Variants in ASB15 observed in about 807,000 individuals in gnomAD.
ASB15 encodes the protein ankyrin repeat and SOCS box containing 15.
ASB15 carries 54 observed loss-of-function variants against 58.0 expected under a neutral mutation model. The observed-to-expected ratio is 0.93, with a 90% CI of 0.75 to 1.17. The LOEUF (loss-of-function observed/expected upper bound fraction) is 1.17. ASB15 is among the 50% of genes most tolerant of loss of function. The pLI is 0.00. For missense variants in ASB15, 680 were observed against 707.4 expected, an observed-to-expected ratio of 0.96 and a Z score of 0.44; for synonymous variants, 249 against 262.4, an observed-to-expected ratio of 0.95 and a Z score of 0.50.
chr7:123,594,638 T>C (rs1033202863), intron 1 of ASB15, among the ~76,000 whole-genome samples: 5 of 152,172 alleles, frequency 3.3e-5, no homozygotes, highest in Non-Finnish European at 7.4e-5. Context: ...TATTGCTGCC[T>C]GATCCATCCT....
intron 1 of ASB15, among the ~76,000 whole-genome samples, chr7:123,592,919 T>G (rs1030778298): frequency 1.2e-4 from 18 of 152,094 alleles, no homozygotes; most frequent in African/African-American, 4.1e-4. Flanking sequence ...CTCTTTGTAG[T>G]TCTCTAAGGA....
chr7:123,594,451 C>T (rs1270382424), intron 1 of ASB15, among the ~76,000 whole-genome samples: 1 of 152,104 alleles, frequency 6.6e-6, no homozygotes, highest in Non-Finnish European at 1.5e-5. Context: ...TGGTGACCTA[C>T]GTATGGGGTT....
chr7:123,602,212 T>C (rs1367604569), intron 1 of ASB15, among the ~76,000 whole-genome samples: 1 of 152,124 alleles, frequency 6.6e-6, no homozygotes, highest in African/African-American at 2.4e-5. Flanking sequence ...ATATTTACTA[T>C]AGAATCCCAG....
intron 1 of ASB15, among the ~76,000 whole-genome samples, chr7:123,569,819 A>G (rs977071007): frequency 2.0e-5 from 3 of 152,204 alleles, no homozygotes; most frequent in African/African-American, 7.2e-5. Flanking sequence ...CCCGTTAAGT[A>G]TAACTAATTT....
At chr7:123,618,351 C>T (rs1252310966) in intron 7 of ASB15, among the ~76,000 whole-genome samples, 2 of 152,148 alleles carry the variant, frequency 1.3e-5, no homozygotes, top group Non-Finnish European at 2.9e-5. Context: ...CCAAATGACC[C>T]AGAGATAACA....
chr7:123,614,247 A>T (rs2116502468), intron 3 of ASB15: 2 of 373,304 alleles, frequency 5.4e-6, no homozygotes, highest in Non-Finnish European at 9.5e-6. Context: ...CTGAAAAAAA[A>T]AAAAGTCAAA....
chr7:123,626,191 C>T lies in ASB15; in HGVS notation c.698-919C>T, dbSNP rs555508533. On this transcript the variant is annotated intron_variant, in intron 8 of 11. Coordinates refer to ENST00000451215, the MANE Select transcript of ASB15 (RefSeq NM_001290258.2). ...AAAGTATTTGTTAATACTTTATTAA[C>T]TGTAAGTATTTGTTAAGTTAAAATA... Among the ~76,000 whole-genome samples, 5 of 152,326 alleles carry T rather than the reference C, an allele frequency of 3.3e-5. No homozygotes were observed. The East Asian group carries it at 7.7e-4, about 24-fold the overall frequency.
chr7:123,573,300 T>TC (rs1029559467), intron 1 of ASB15, among the ~76,000 whole-genome samples: 5 of 151,502 alleles, frequency 3.3e-5, no homozygotes, highest in Admixed American at 2.0e-4. Flanking sequence ...TTTTTTTTTT[T>TC]TTTTTGTCAT....
In ASB15 at chr7:123,580,120, T is replaced by C. The variant is rs142240799; in HGVS notation, c.-443+13032T>C. Among the ~76,000 whole-genome samples, 211 of 152,086 alleles carry C rather than the reference T, an allele frequency of 1.4e-3. 1 individual carries two copies. Among genetic ancestry groups the C allele is most frequent in the South Asian group, 6.2e-3 (30 of 4,826 alleles). On this transcript the variant is annotated intron_variant, in intron 1 of 13. Transcript: ENST00000451558. ...GAGAAGGATGGTCTAAATTGGGTCT[T>C]AAATTAGCAGAAGGATTTCTACTGA...
intron 1 of ASB15, among the ~76,000 whole-genome samples, chr7:123,578,670 C>T (rs1439514435): frequency 6.6e-6 from 1 of 152,064 alleles, no homozygotes; most frequent in Non-Finnish European, 1.5e-5. Flanking sequence ...TTTACCACAG[C>T]AATTTCATTC....
intron 1 of ASB15, among the ~76,000 whole-genome samples, chr7:123,596,625 T>C (rs923985827): frequency 2.6e-5 from 4 of 151,844 alleles, no homozygotes; most frequent in African/African-American, 9.7e-5. Context: ...ATAATAATAG[T>C]AATAATAAGG....
At chr7:123,633,583 G>A (rs1036248144) in intron 11 of ASB15, among the ~76,000 whole-genome samples, 2 of 151,898 alleles carry the variant, frequency 1.3e-5, no homozygotes, top group African/African-American at 4.8e-5. Flanking sequence ...ATTTTATCTT[G>A]AAAGCATCTG....
At chr7:123,623,903 G>A (rs371990994) in intron 7 of ASB15, among the ~76,000 whole-genome samples, 100 of 9,866 alleles carry the variant, frequency 0.01, 8 homozygotes, top group Middle Eastern at 0.031. Flanking sequence ...AGAAAGAATG[G>A]AAGGAAGGAA....
At chr7:123,575,494 G>A (rs538429301) in intron 1 of ASB15, among the ~76,000 whole-genome samples, 2 of 151,894 alleles carry the variant, frequency 1.3e-5, no homozygotes, top group Non-Finnish European at 2.9e-5. Context: ...TATCACTTCT[G>A]TATTGTGAGG....
chr7:123,589,559 G>A (rs1221916811), intron 1 of ASB15, among the ~76,000 whole-genome samples: 2 of 152,060 alleles, frequency 1.3e-5, no homozygotes, highest in Non-Finnish European at 2.9e-5. Flanking sequence ...TTATGAGTGA[G>A]AATATGCTGT....
intron 2 of ASB15, among the ~76,000 whole-genome samples, chr7:123,608,237 A>G (rs1800246257): frequency 6.6e-6 from 1 of 152,210 alleles, no homozygotes; most frequent in Admixed American, 6.5e-5. Flanking sequence ...AGCATCAATC[A>G]GTAAAGCCCC....
chr7:123,622,405 T>C (rs140744793), intron 7 of ASB15, among the ~76,000 whole-genome samples: 3 of 152,302 alleles, frequency 2.0e-5, no homozygotes, highest in East Asian at 3.9e-4. Context: ...CAGTCATTTA[T>C]TGGTTAAGAA....
intron 9 of ASB15, among the ~76,000 whole-genome samples, 168 bp from the exon 10 acceptor site, chr7:123,628,696 T>C (rs1562939658): frequency 6.6e-6 from 1 of 152,118 alleles, no homozygotes; most frequent in African/African-American, 2.4e-5. Context: ...TACACTAAAC[T>C]AAATAGTTGT....
chr7:123,635,712 C>T (rs1390399008), intron 11 of ASB15, among the ~76,000 whole-genome samples: 4 of 146,010 alleles, frequency 2.7e-5, no homozygotes, highest in Admixed American at 2.1e-4. Flanking sequence ...CAACTAGAGT[C>T]GAAGCCAGTT....
Sources: allele counts gnomAD v4.1 joint callset (sites outside exome capture counted in the v4.1 genomes callset), GRCh38; gene constraint gnomAD v4.1.1; transcripts MANE v1.5; gene names NCBI Gene and HGNC (gene_info 2026-07-23, HGNC 2026-07-21).